The following DAB1 variants were observed in gnomAD, a reference collection of about 807,000 sequenced individuals.
DAB1 encodes disabled homolog 1.
DAB1 carries 15 observed loss-of-function variants against 64.6 expected under a neutral mutation model. The ratio of observed to expected loss-of-function variants is 0.23; its 90% confidence interval spans 0.16 to 0.36. The LOEUF (loss-of-function observed/expected upper bound fraction) is 0.36. DAB1 is among the 10% of genes least tolerant of loss of function. The probability of loss-of-function intolerance (pLI) is 1.00; values close to 1 mark genes in which losing one functional copy is unlikely to be tolerated. For missense variants in DAB1, 596 were observed against 706.7 expected (o/e 0.84, Z 1.78); for synonymous variants, 235 against 251.9 (o/e 0.93, Z 0.64).
At chr1:58,266,193 T>C (rs1661156819) in intron 4 of DAB1, among the ~76,000 whole-genome samples, 2 of 152,218 alleles carry the variant, frequency 1.3e-5, no homozygotes. Context: ...GCTAGTCTGA[T>C]GCTATTGTAT....
At chr1:57,809,030 A>G (rs985184276) in intron 6 of DAB1, among the ~76,000 whole-genome samples, 1 of 152,218 alleles carries the variant, frequency 6.6e-6, no homozygotes, top group African/African-American at 2.4e-5. Context: ...CTCCTCGGAA[A>G]ATATGAACCT....
intron 3 of DAB1, among the ~76,000 whole-genome samples, chr1:58,422,121 C>T (rs966964420): frequency 6.6e-6 from 1 of 152,088 alleles, no homozygotes. Flanking sequence ...TACCTATTCC[C>T]ACCGTTTGAA....
upstream of DAB1, among the ~76,000 whole-genome samples, chr1:57,426,870 A>ATT (rs1209825646): frequency 6.9e-6 from 1 of 144,928 alleles, no homozygotes; most frequent in African/African-American, 2.7e-5. Flanking sequence ...ATATATATAT[A>ATT]TATATTTTTT....
At chr1:57,331,350 T>C (rs561194748) in intron 1 of DAB1, among the ~76,000 whole-genome samples, 2 of 152,216 alleles carry the variant, frequency 1.3e-5, no homozygotes, top group Non-Finnish European at 2.9e-5. Context: ...TATTCCTATG[T>C]TACAAATTTA....
intron 7 of DAB1, among the ~76,000 whole-genome samples, chr1:57,618,172 TG>T (rs1645811522): frequency 6.6e-6 from 1 of 152,144 alleles, no homozygotes; most frequent in South Asian, 2.1e-4. Context: ...CCCAGCACTT[TG>T]GGAGGCCGAG....
chr1:57,161,445 A>G (rs1236221783), intron 2 of DAB1, among the ~76,000 whole-genome samples: 1 of 152,126 alleles, frequency 6.6e-6, no homozygotes, highest in Non-Finnish European at 1.5e-5. Context: ...TCACCCATCC[A>G]AAGGCAGCCT....
intron 1 of DAB1, among the ~76,000 whole-genome samples, chr1:57,856,317 A>G (rs187447153): frequency 3.9e-5 from 6 of 152,298 alleles, no homozygotes; most frequent in Admixed American, 2.0e-4. Flanking sequence ...AGCCCTTACC[A>G]TGATGGGCTG....
chr1:57,001,914 A>G (rs955429269), intron 14 of DAB1, among the ~76,000 whole-genome samples: 4 of 151,834 alleles, frequency 2.6e-5, no homozygotes, highest in South Asian at 2.1e-4. Context: ...CACTCCTACT[A>G]TGGCATCTCC....
intron 3 of DAB1, among the ~76,000 whole-genome samples, chr1:58,462,372 C>T (rs553570181): frequency 1.7e-4 from 26 of 152,168 alleles, no homozygotes; most frequent in South Asian, 1.2e-3. Flanking sequence ...ATGATCCACC[C>T]GCCTCGGCCT....
intron 6 of DAB1, among the ~76,000 whole-genome samples, chr1:57,795,570 G>A (rs1650806731): frequency 6.6e-6 from 1 of 150,962 alleles, no homozygotes; most frequent in Non-Finnish European, 1.5e-5. Context: ...GTAGGATTCA[G>A]AGTATTGCAG....
At chr1:57,567,600 T>C (rs1645139141) in intron 7 of DAB1, among the ~76,000 whole-genome samples, 1 of 152,178 alleles carries the variant, frequency 6.6e-6, no homozygotes, top group African/African-American at 2.4e-5. Flanking sequence ...AAAATCAATG[T>C]ACAAAAATCA....
intron 12 of DAB1, among the ~76,000 whole-genome samples, chr1:57,013,275 G>A (rs1182215543): frequency 6.6e-6 from 1 of 152,178 alleles, no homozygotes; most frequent in Non-Finnish European, 1.5e-5. Flanking sequence ...CACTAAGCTA[G>A]CATTATGAGA....
intron 5 of DAB1, among the ~76,000 whole-genome samples, chr1:57,977,534 C>T (rs1391601759): frequency 2.0e-5 from 3 of 152,154 alleles, no homozygotes; most frequent in African/African-American, 7.2e-5. Flanking sequence ...GCCGACTCTG[C>T]CACTTACTAA....
chr1:57,786,157 G>A (rs542496847), intron 6 of DAB1, among the ~76,000 whole-genome samples: 1 of 152,270 alleles, frequency 6.6e-6, no homozygotes, highest in African/African-American at 2.4e-5. Flanking sequence ...TATTCACACT[G>A]TCTTTTAAAG....
chr1:57,581,873 A>T (rs567693451), intron 7 of DAB1, among the ~76,000 whole-genome samples: 1 of 152,298 alleles, frequency 6.6e-6, no homozygotes, highest in East Asian at 1.9e-4. Context: ...TCTTAGCCTG[A>T]GCTGCTATAA....
intron 5 of DAB1, among the ~76,000 whole-genome samples, chr1:58,119,912 T>C (rs984299650): frequency 1.3e-5 from 2 of 152,202 alleles, no homozygotes; most frequent in African/African-American, 4.8e-5. Flanking sequence ...TACACAGAGC[T>C]AGCTGCTCCC....
At chr1:58,380,296 A>C (rs1644374946) in intron 3 of DAB1, among the ~76,000 whole-genome samples, 1 of 152,198 alleles carries the variant, frequency 6.6e-6, no homozygotes, top group Non-Finnish European at 1.5e-5. Flanking sequence ...TATCAGTGGC[A>C]GTTTCCCCAG....
At chr1:58,424,487 C>G (rs1299060437) in intron 3 of DAB1, among the ~76,000 whole-genome samples, 1 of 152,246 alleles carries the variant, frequency 6.6e-6, no homozygotes, top group East Asian at 1.9e-4. Context: ...ACCCACCTTT[C>G]TAGATGGCTC....
chr1:57,201,834 A>G (rs34736592), intron 2 of DAB1, among the ~76,000 whole-genome samples: 8,854 of 152,258 alleles, frequency 0.058, 294 homozygotes, highest in East Asian at 0.093. Context: ...CCTGAAACAT[A>G]GCAGGTTTAA....
Sources: allele counts gnomAD v4.1 joint callset (sites outside exome capture counted in the v4.1 genomes callset), GRCh38; gene constraint gnomAD v4.1.1; transcripts MANE v1.5; gene names NCBI Gene and HGNC (gene_info 2026-07-23, HGNC 2026-07-21).